KCNN3: variants seen among roughly 807,000 people sequenced by gnomAD.
KCNN3 encodes small conductance calcium-activated potassium channel protein 3.
A neutral mutation model predicts 62.9 loss-of-function variants in KCNN3; 16 were observed. That is an observed-to-expected ratio of 0.25 (90% CI 0.17 to 0.39). KCNN3 has a LOEUF of 0.39. KCNN3 is among the 10% of genes least tolerant of loss of function. KCNN3 has a pLI of 1.00. For synonymous variants in KCNN3, 370 were observed against 389.2 expected, an observed-to-expected ratio of 0.95 and a Z score of 0.58; for missense variants, 599 against 949.4, an observed-to-expected ratio of 0.63 and a Z score of 4.85.
rs144495341 is a variant in KCNN3 at position 154,754,304 on chromosome 1, C to T, written c.1448+17671G>A. ...GGTAGCAGGAAGAGATGACTTCAAG[C>T]GACACCGCAGAATAAGAACCATAGA... On this transcript the variant is annotated intron_variant, in intron 3 of 7. Coordinates refer to ENST00000271915, the MANE Select transcript of KCNN3 (RefSeq NM_002249.6). Among the ~76,000 whole-genome samples the T allele has an allele frequency of 6.6e-5, 10 of 152,092 alleles. No homozygotes were observed. In the East Asian group the frequency reaches 1.9e-3, roughly 29 times the overall value.
chr1:154,795,522 C>T (rs975411646), intron 2 of KCNN3, among the ~76,000 whole-genome samples: 9 of 152,182 alleles, frequency 5.9e-5, no homozygotes, highest in African/African-American at 2.2e-4. Flanking sequence ...CCACACATTC[C>T]CTGAGCCACC....
At chr1:154,787,679 A>G (rs1416144252) in intron 2 of KCNN3, among the ~76,000 whole-genome samples, 1 of 152,090 alleles carries the variant, frequency 6.6e-6, no homozygotes, top group African/African-American at 2.4e-5. Context: ...CCCCCACACT[A>G]GAGGGCCCTG....
intron 4 of KCNN3, among the ~76,000 whole-genome samples, chr1:154,728,038 A>T (rs1464466025): frequency 6.6e-6 from 1 of 152,222 alleles, no homozygotes; most frequent in Admixed American, 6.5e-5. Context: ...GCTGGGGTCC[A>T]ATAGGCCTGA....
At chr1:154,744,722 G>A (rs893247796) in intron 3 of KCNN3, among the ~76,000 whole-genome samples, 2 of 152,176 alleles carry the variant, frequency 1.3e-5, no homozygotes, top group African/African-American at 4.8e-5. Context: ...GCTAGGGCAT[G>A]TGATTCCAGC....
chr1:154,804,388 C>A (rs145183144), intron 2 of KCNN3, among the ~76,000 whole-genome samples: 9 of 152,372 alleles, frequency 5.9e-5, no homozygotes, highest in African/African-American at 2.2e-4. Flanking sequence ...GCTTAGAATT[C>A]ATGATATGCC....
At chr1:154,851,711 C>T (rs1652305790) in intron 1 of KCNN3, among the ~76,000 whole-genome samples, 1 of 152,204 alleles carries the variant, frequency 6.6e-6, no homozygotes, top group African/African-American at 2.4e-5. Flanking sequence ...ATGCTACCAC[C>T]CAGGTCCAAA....
At chr1:154,788,232 C>G (rs1486716713) in intron 2 of KCNN3, among the ~76,000 whole-genome samples, 1 of 152,198 alleles carries the variant, frequency 6.6e-6, no homozygotes, top group Non-Finnish European at 1.5e-5. Flanking sequence ...GATGGGTTGT[C>G]CCACCTTCAC....
chr1:154,821,772 G>A (rs1650910194), intron 2 of KCNN3, among the ~76,000 whole-genome samples: 1 of 152,164 alleles, frequency 6.6e-6, no homozygotes, highest in Non-Finnish European at 1.5e-5. Flanking sequence ...AATGCATCAG[G>A]GGCTCTCCCG....
intron 4 of KCNN3, among the ~76,000 whole-genome samples, chr1:154,731,587 G>A: frequency 6.6e-6 from 1 of 152,360 alleles, no homozygotes; most frequent in South Asian, 2.1e-4. Context: ...GACCCTGCAG[G>A]AAGACCTGCG....
At chr1:154,745,868 C>T (rs550536022) in intron 3 of KCNN3, among the ~76,000 whole-genome samples, 1 of 152,260 alleles carries the variant, frequency 6.6e-6, no homozygotes, top group African/African-American at 2.4e-5. Flanking sequence ...AAGCACTGTT[C>T]CCATGGGAAG....
At chr1:154,812,587 CA>C (rs1650460809) in intron 2 of KCNN3, among the ~76,000 whole-genome samples, 2 of 152,204 alleles carry the variant, frequency 1.3e-5, no homozygotes, top group African/African-American at 4.8e-5. Flanking sequence ...ACTTGTTCCC[CA>C]TGACTTTGGA....
intron 2 of KCNN3, among the ~76,000 whole-genome samples, chr1:154,793,944 C>T (rs1649621986): frequency 6.6e-6 from 1 of 152,192 alleles, no homozygotes; most frequent in Non-Finnish European, 1.5e-5. Context: ...TGCCTTTGTT[C>T]CTCACTGATG....
chr1:154,767,286 A>G (rs951004037), intron 3 of KCNN3, among the ~76,000 whole-genome samples: 2 of 152,196 alleles, frequency 1.3e-5, no homozygotes, highest in Non-Finnish European at 2.9e-5. Flanking sequence ...AAAGTTAACC[A>G]GCAAAATAAA....
chr1:154,846,195 C>G (rs1358880636), intron 1 of KCNN3, among the ~76,000 whole-genome samples: 1 of 152,180 alleles, frequency 6.6e-6, no homozygotes, highest in East Asian at 1.9e-4. Flanking sequence ...CTAGACGATG[C>G]CTCTCCCAGC....
chr1:154,824,539 C>T (rs1436674755), intron 1 of KCNN3, among the ~76,000 whole-genome samples: 2 of 152,230 alleles, frequency 1.3e-5, no homozygotes, highest in Non-Finnish European at 2.9e-5. Flanking sequence ...AACCTCCCTA[C>T]ATCAATCAAC....
intron 2 of KCNN3, among the ~76,000 whole-genome samples, chr1:154,810,197 G>A (rs1650346728): frequency 6.6e-6 from 1 of 152,172 alleles, no homozygotes; most frequent in South Asian, 2.1e-4. Context: ...CGGGGAAACA[G>A]GAAGAGCTGC....
Position 154,772,212 on chromosome 1 carries a change from T to C in KCNN3, c.1211A>G (p.Asp404Gly), listed in dbSNP as rs1648590037. 1 of 1,614,060 alleles carries C rather than the reference T, an allele frequency of 6.2e-7. No homozygotes were observed. The highest frequency in any genetic ancestry group is 8.5e-7 in the Non-Finnish European group (1 of 1,180,032). Residue 404 changes from aspartate to glycine, a missense_variant, in exon 3 of 8, where the codon GAC becomes GGC. Physicochemically the swap from Asp to Gly is moderately conservative, Grantham distance 94. Coordinates refer to ENST00000271915, the MANE Select transcript of KCNN3 (RefSeq NM_002249.6). This position sits in a 1 kb window ranked among gnomAD's most constrained non-coding sequence, Gnocchi z 5.6. The stretch of plus-strand genomic sequence containing the variant: ...GAACATGGGGATAGACAGGATGATG[T>C]CCACATCGGCCTCCGCCCGGGAGGG... ...YTPSRAEADVDIILSIPMFLR... is the reference protein window; with the variant it reads ...YTPSRAEADVGIILSIPMFLR...
chr1:154,748,457 G>C (rs192000160), intron 3 of KCNN3, among the ~76,000 whole-genome samples: 1 of 152,292 alleles, frequency 6.6e-6, no homozygotes, highest in African/African-American at 2.4e-5. Context: ...AAAGATCTTA[G>C]AGATGATCTA....
At chr1:154,728,200 T>A (rs1700510726) in intron 4 of KCNN3, among the ~76,000 whole-genome samples, 1 of 151,414 alleles carries the variant, frequency 6.6e-6, no homozygotes, top group Non-Finnish European at 1.5e-5. Flanking sequence ...GGGCTTTTAA[T>A]GAGAAGCTAG....
Sources: gnomAD v4.1 joint callset for allele counts (sites outside exome capture counted in the v4.1 genomes callset) on GRCh38, gnomAD v4.1.1 for gene constraint, Gnocchi (gnomAD v3.1) non-coding constraint, MANE v1.5 for transcripts, NCBI Gene and HGNC (gene_info 2026-07-23, HGNC 2026-07-21) for gene names.